The following PRR14L variants were observed in gnomAD, a reference collection of about 807,000 sequenced individuals.
The protein encoded by PRR14L is protein PRR14L.
PRR14L carries 80 observed loss-of-function variants against 155.0 expected under a neutral mutation model. The ratio of observed to expected loss-of-function variants is 0.52; its 90% CI spans 0.43 to 0.62. The LOEUF (loss-of-function observed/expected upper bound fraction) is 0.62. Ranked by LOEUF, PRR14L falls within the 20% of genes least tolerant of loss-of-function variation. The probability of loss-of-function intolerance (pLI) is 0.00; values close to 1 mark genes in which losing one functional copy is unlikely to be tolerated. For missense variants in PRR14L, 2,469 were observed against 2,548.0 expected (o/e 0.97, Z 0.67); for synonymous variants, 883 against 916.0 (o/e 0.96, Z 0.65).
chr22:31,707,863 C>T (rs776940782), intron 4 of PRR14L, among the ~76,000 whole-genome samples: 9 of 152,136 alleles, frequency 5.9e-5, no homozygotes, highest in Non-Finnish European at 8.8e-5. Context: ...AAAAATAACT[C>T]TAAAGGCCGG....
At chr22:31,733,709 C>A (rs1343390632) in intron 2 of PRR14L, among the ~76,000 whole-genome samples, 2 of 152,148 alleles carry the variant, frequency 1.3e-5, no homozygotes, top group African/African-American at 4.8e-5. Context: ...GCATTCCCAC[C>A]AGCAATGTAT....
chr22:31,748,754 G>A (rs778161307), intron 1 of PRR14L, among the ~76,000 whole-genome samples: 1 of 152,186 alleles, frequency 6.6e-6, no homozygotes, highest in Middle Eastern at 3.2e-3. Flanking sequence ...TACCTTCTGT[G>A]GACAAAGGAA....
At chr22:31,705,466 C>T (rs975366238) in intron 4 of PRR14L, among the ~76,000 whole-genome samples, 16 of 151,194 alleles carry the variant, frequency 1.1e-4, no homozygotes, top group Non-Finnish European at 2.1e-4. Context: ...CTCCACTTCC[C>T]GGGTTCAAGA....
At position 31,714,998 on chromosome 22, in the gene PRR14L, A is replaced by G. The variant is rs1180205231; in HGVS notation, c.2841T>C (p.Thr947=). The change falls in exon 4 of 9, where the codon ACT becomes ACC. Residue 947 remains threonine, a synonymous_variant. Transcript: ENST00000327423. ...GPEKVLDQSP[T]VMFSSFKNVK... ...CATTTTTAAAACTGGAGAACATAAC[A>G]GTAGGAGACTGGTCCAACACTTTTT... 1 of 1,552,140 alleles carries G rather than the reference A, an allele frequency of 6.4e-7. No individual in the cohort carries two copies. The highest frequency in any genetic ancestry group is 2.4e-5 in the East Asian group (1 of 40,926).
At position 31,713,562 on chromosome 22, in the gene PRR14L, T is replaced by C; in HGVS notation, c.4277A>G (p.Asp1426Gly). 6.4e-7 allele frequency: 1 copy of C among 1,552,154 alleles called. No homozygotes were observed. Among genetic ancestry groups the C allele is most frequent in the Non-Finnish European group, 8.7e-7 (1 of 1,147,088 alleles). The part of the protein sequence containing the change: ...QQCISSSLLL[D>G]DAQNQNQPKA... ...CGGTTGGTTCTGATTTTGTGCATCA[T>C]CTAACAACAGACTAGATGATATGCA... Residue 1426 changes from aspartate (D) to glycine (G), a missense_variant, in exon 4 of 9, where the codon GAT becomes GGT. Around this residue, in one of 2 missense-constraint regions of PRR14L, gnomAD observed 2,363 missense variants for 2,371.6 expected, o/e 1.00. Transcript: ENST00000327423.
chr22:31,689,664 G>C (rs2074500668), intron 7 of PRR14L, among the ~76,000 whole-genome samples: 1 of 152,044 alleles, frequency 6.6e-6, no homozygotes. Context: ...TCCTGGGCTG[G>C]GCTCAAGAGA....
intron 2 of PRR14L, among the ~76,000 whole-genome samples, chr22:31,736,172 T>C (rs2074779949): frequency 2.0e-5 from 3 of 150,242 alleles, no homozygotes; most frequent in East Asian, 2.0e-4. Context: ...TGAGCTGAGA[T>C]TGCGCCACTG....
At chr22:31,692,203 T>C (rs560102244) in intron 7 of PRR14L, among the ~76,000 whole-genome samples, 10 of 152,278 alleles carry the variant, frequency 6.6e-5, no homozygotes, top group African/African-American at 2.2e-4. Flanking sequence ...CCTAGAAGAA[T>C]TGTTGGGTCA....
At position 31,715,494 on chromosome 22, in the gene PRR14L, G is replaced by A. The variant is rs1016635459; in HGVS notation, c.2345C>T (p.Ser782Phe). ...VSVIECHSVQ[S>F]QDISSCHRVR... Reference sequence around the variant, plus strand: ...ACGATGACAGCTAGAGATATCCTGAGATTGAACGCTGTGACATTCTATGAC... The same window carrying A: ...ACGATGACAGCTAGAGATATCCTGAAATTGAACGCTGTGACATTCTATGAC... The change falls in exon 4 of 9, where the codon TCT (serine) becomes TTT (phenylalanine). Residue 782 changes from serine to phenylalanine, a missense_variant. Physicochemically the swap from Ser to Phe is radical, Grantham distance 155 (BLOSUM62 -2). Coordinates refer to ENST00000327423, the MANE Select transcript of PRR14L (RefSeq NM_173566.3). 1 of 1,552,160 alleles carries A rather than the reference G, an allele frequency of 6.4e-7. No individual in the cohort carries two copies. The highest frequency in any genetic ancestry group is 1.4e-5 in the African/African-American group (1 of 73,052).
intron 2 of PRR14L, among the ~76,000 whole-genome samples, chr22:31,731,902 G>C (rs1390586048): frequency 6.6e-6 from 1 of 152,160 alleles, no homozygotes; most frequent in Non-Finnish European, 1.5e-5. Context: ...TTGTAATACA[G>C]TTAAGACTCA....
rs943215342 is a variant in PRR14L, at chr22:31,721,445, G to A, written c.547+4093C>T. ...TAGCCGGGCATGGTGGCAGACGCCT[G>A]TAGTCCCAGCTACTCGGGAGACTGA... is the stretch of plus-strand genomic sequence containing the variant. On this transcript the variant is annotated intron_variant, in intron 3 of 8. Transcript: ENST00000327423. Among the ~76,000 whole-genome samples, 7 of 152,098 alleles carry A rather than the reference G, an allele frequency of 4.6e-5. No individual in the cohort carries two copies. In the East Asian group the frequency reaches 5.8e-4, roughly 13 times the overall value.
rs766025737 is a variant in PRR14L, at chr22:31,716,772, G to A, written c.1067C>T (p.Thr356Ile). The A allele has an allele frequency of 3.9e-6, 6 of 1,551,812 alleles. No homozygotes were observed. The highest frequency in any genetic ancestry group is 4.9e-5 in the East Asian group (2 of 40,922). ...AAAACCACAGTTTTCTAAGGATATTGTTCTGGATTCTGGACCAGACAAGTC... is the reference window on the plus strand; with the variant it reads ...AAAACCACAGTTTTCTAAGGATATTATTCTGGATTCTGGACCAGACAAGTC... ...TSDLSGPESRTISLENCGFEG... is the reference protein window; with the variant it reads ...TSDLSGPESRIISLENCGFEG... The change falls in exon 4 of 9, where the codon ACA becomes ATA. Residue 356 changes from threonine to isoleucine, a missense_variant. This residue lies in a region of PRR14L where 2,363 missense variants were observed against 2,371.6 expected (regional missense o/e 1.00). Transcript: ENST00000327423.
In PRR14L at chr22:31,716,605, G is replaced by T. The variant is rs1039466939; in HGVS notation, c.1234C>A (p.Pro412Thr). 9 of 1,551,328 alleles carry T rather than the reference G, an allele frequency of 5.8e-6. No homozygotes were observed. In the African/African-American group the frequency reaches 1.1e-4, roughly 19 times the overall value. The change falls in exon 4 of 9, where the codon CCT (proline) becomes ACT (threonine). Residue 412 changes from proline (P) to threonine (T), a missense_variant. Pro to Thr is a conservative substitution (Grantham distance 38). Coordinates refer to ENST00000327423, the MANE Select transcript of PRR14L (RefSeq NM_173566.3). ...LLIPRSERGGPFLFNAREPEK... is the reference protein window; with the variant it reads ...LLIPRSERGGTFLFNAREPEK... ...GGTTCCCTGGCATTAAAAAGAAAAG[G>T]TCCACCTCTTTCACTCCTAGGAATC...
At position 31,716,370 on chromosome 22, in the gene PRR14L, G is replaced by A; in HGVS notation, c.1469C>T (p.Pro490Leu). The A allele has an allele frequency of 6.4e-7, 1 of 1,550,578 alleles. No individual in the cohort carries two copies. The change falls in exon 4 of 9, where the codon CCT becomes CTT. Residue 490 changes from proline to leucine, a missense_variant. Physicochemically the swap from Pro to Leu is moderately conservative, Grantham distance 98. This residue lies in a region of PRR14L where 2,363 missense variants were observed against 2,371.6 expected (regional missense o/e 1.00). Coordinates refer to ENST00000327423, the MANE Select transcript of PRR14L (RefSeq NM_173566.3). Reference protein sequence around the residue: ...TVHVQGNLTNPEDHKETFTNM... With the variant: ...TVHVQGNLTNLEDHKETFTNM... Reference sequence around the variant, plus strand: ...AGTAAAAGTTTCTTTATGGTCCTCAGGGTTTGTCAAGTTACCTTGAACGTG... The same window carrying A: ...AGTAAAAGTTTCTTTATGGTCCTCAAGGTTTGTCAAGTTACCTTGAACGTG...
intron 8 of PRR14L, 126 bp downstream of exon 8, chr22:31,688,027 CAAA>C (rs77978141): frequency 9.6e-3 from 5,494 of 569,500 alleles, no homozygotes; most frequent in East Asian, 0.015. Flanking sequence ...GACTCTGTCT[CAAA>C]AAAAAAAAAA....
chr22:31,715,271 C>T lies in PRR14L; in HGVS notation c.2568G>A (p.Arg856=). The change falls in exon 4 of 9, where the codon AGG becomes AGA. Residue 856 remains arginine, a synonymous_variant. Coordinates refer to ENST00000327423, the MANE Select transcript of PRR14L (RefSeq NM_173566.3). ...SCKVSYTSQE[R]ELDGKETNGS... ...CATTCGTTTCTTTCCCATCAAGTTC[C>T]CTTTCCTGTGATGTGTAACTCACTT... 1 of 1,552,236 alleles carries T rather than the reference C, an allele frequency of 6.4e-7. No homozygotes were observed. Among genetic ancestry groups the T allele is most frequent in the East Asian group, 2.4e-5 (1 of 40,928 alleles).
chr22:31,703,081 G>A (rs2074571116), intron 6 of PRR14L, among the ~76,000 whole-genome samples: 1 of 152,052 alleles, frequency 6.6e-6, no homozygotes, highest in Non-Finnish European at 1.5e-5. Flanking sequence ...CTCCCAAAGT[G>A]CTGAGATTAC....
intron 3 of PRR14L, among the ~76,000 whole-genome samples, chr22:31,717,879 C>T (rs184666741): frequency 6.6e-6 from 1 of 151,878 alleles, no homozygotes; most frequent in African/African-American, 2.4e-5. Context: ...CCCGCCTCAG[C>T]CTCCTGAGTA....
At chr22:31,698,264 A>T (rs898700847) in intron 7 of PRR14L, among the ~76,000 whole-genome samples, 3 of 152,038 alleles carry the variant, frequency 2.0e-5, no homozygotes, top group Non-Finnish European at 4.4e-5. Context: ...ACCTCAGTTG[A>T]TATACCCGCC....
Sources: allele counts gnomAD v4.1 joint callset (sites outside exome capture counted in the v4.1 genomes callset), GRCh38; gene constraint gnomAD v4.1.1; regional missense constraint gnomAD v4.1.1; transcripts MANE v1.5; gene names NCBI Gene and HGNC (gene_info 2026-07-23, HGNC 2026-07-21).